Variants in GRM8 observed in about 807,000 individuals in gnomAD.
GRM8 encodes glutamate metabotropic receptor 8.
A neutral mutation model predicts 87.2 loss-of-function variants in GRM8; 47 were observed. That is an observed-to-expected ratio of 0.54 (90% CI 0.43 to 0.69). The LOEUF is 0.69. Among genes scored for constraint, GRM8 ranks in the 30% least tolerant of loss-of-function variants. The pLI is 0.00. For synonymous variants in GRM8, 396 were observed against 404.5 expected (o/e 0.98, Z 0.25); for missense variants, 1,019 against 1,139.2 (o/e 0.89, Z 1.52).
intron 9 of GRM8, among the ~76,000 whole-genome samples, chr7:126,514,183 G>A (rs535757457): frequency 6.6e-6 from 1 of 152,238 alleles, no homozygotes; most frequent in South Asian, 2.1e-4. Context: ...GTCCGCAGAT[G>A]CTGGAGTTGT....
rs73447009 is a variant in GRM8 at position 126,494,498 on chromosome 7, T to G, written c.2430+38454A>C. On this transcript the variant is annotated intron_variant, in intron 9 of 10. Coordinates refer to ENST00000339582, the MANE Select transcript of GRM8 (RefSeq NM_000845.3). ...GATGTTAATCATTTATATTTTTATC[T>G]CTTTAAATAAACAAAAACAGTAAAA... Among the ~76,000 whole-genome samples the G allele has an allele frequency of 5.7e-3, 868 of 152,128 alleles. 14 individuals are homozygous for G. Among genetic ancestry groups the G allele is most frequent in the African/African-American group, 0.02 (816 of 41,536 alleles).
intron 8 of GRM8, among the ~76,000 whole-genome samples, chr7:126,604,003 A>C (rs1798090815): frequency 6.6e-6 from 1 of 151,952 alleles, no homozygotes; most frequent in Non-Finnish European, 1.5e-5. Context: ...ATTAAAAAAA[A>C]ACAGTTGTTT....
At chr7:127,236,307 G>A (rs186258503) in intron 2 of GRM8, among the ~76,000 whole-genome samples, 3 of 152,282 alleles carry the variant, frequency 2.0e-5, no homozygotes, top group East Asian at 1.9e-4. Context: ...TTCTTTCTCC[G>A]CTTCTCCCTA....
intron 7 of GRM8, among the ~76,000 whole-genome samples, chr7:126,754,653 T>C (rs1816802020): frequency 6.6e-6 from 1 of 151,882 alleles, no homozygotes; most frequent in African/African-American, 2.4e-5. Flanking sequence ...ATTCTTTTTA[T>C]TTATTTCTTC....
chr7:126,623,140 A>G (rs569860095), intron 7 of GRM8, among the ~76,000 whole-genome samples: 4 of 132,714 alleles, frequency 3.0e-5, no homozygotes, highest in Non-Finnish European at 5.2e-5. Context: ...CTAAGTTAAT[A>G]ATGATGTATC....
intron 3 of GRM8, among the ~76,000 whole-genome samples, chr7:126,984,358 A>G (rs992317391): frequency 6.6e-6 from 1 of 152,192 alleles, no homozygotes; most frequent in African/African-American, 2.4e-5. Context: ...GATGTTGCCA[A>G]AGGAGATTAA....
rs866214910 is a variant in GRM8 at position 126,705,070 on chromosome 7, C to G, written c.1357+64795G>C. On this transcript the variant is annotated intron_variant, in intron 7 of 10. Coordinates refer to ENST00000339582, the MANE Select transcript of GRM8 (RefSeq NM_000845.3). ...TGTGATGTCTCCCCTGGACGCCCAGCTTTAAAATTTCTCTCTTTTGTACTC... is the reference window on the plus strand; with the variant it reads ...TGTGATGTCTCCCCTGGACGCCCAGGTTTAAAATTTCTCTCTTTTGTACTC... Among the ~76,000 whole-genome samples, 59 of 152,220 alleles carry G rather than the reference C, an allele frequency of 3.9e-4. 1 individual carries two copies. Among genetic ancestry groups the G allele is most frequent in the Middle Eastern group, 6.8e-3 (2 of 294 alleles).
intron 3 of GRM8, among the ~76,000 whole-genome samples, chr7:126,958,594 G>A (rs1008194176): frequency 3.9e-5 from 6 of 152,082 alleles, no homozygotes; most frequent in Non-Finnish European, 8.8e-5. Flanking sequence ...CGCCCGGCCC[G>A]CCCTTAGCAG....
chr7:127,124,942 A>G (rs1313268635), intron 2 of GRM8, among the ~76,000 whole-genome samples: 1 of 152,154 alleles, frequency 6.6e-6, no homozygotes, highest in Non-Finnish European at 1.5e-5. Flanking sequence ...ATCCATTCAC[A>G]AAATAGATAA....
At chr7:126,743,845 A>T (rs561292600) in intron 7 of GRM8, among the ~76,000 whole-genome samples, 173 of 152,208 alleles carry the variant, frequency 1.1e-3, no homozygotes, top group Non-Finnish European at 2.1e-3. Flanking sequence ...ACATTTTCAT[A>T]GCAATATTAA....
At chr7:127,027,110 G>A (rs568945913) in intron 3 of GRM8, among the ~76,000 whole-genome samples, 4 of 152,118 alleles carry the variant, frequency 2.6e-5, no homozygotes, top group Non-Finnish European at 5.9e-5. Context: ...CCCATTGCTT[G>A]TTTTCAACAG....
intron 7 of GRM8, among the ~76,000 whole-genome samples, chr7:126,613,422 C>G (rs1028817611): frequency 6.6e-6 from 1 of 152,028 alleles, no homozygotes; most frequent in Non-Finnish European, 1.5e-5. Context: ...CAAATAAGAA[C>G]AGCTCCAGTC....
At chr7:127,218,869 T>G (rs942693698) in intron 2 of GRM8, among the ~76,000 whole-genome samples, 4 of 152,236 alleles carry the variant, frequency 2.6e-5, no homozygotes, top group African/African-American at 4.8e-5. Context: ...CCTTGCTGCT[T>G]CTTTTTCTTT....
intron 6 of GRM8, among the ~76,000 whole-genome samples, chr7:126,882,747 G>A (rs1247171807): frequency 6.6e-6 from 1 of 151,392 alleles, no homozygotes; most frequent in Non-Finnish European, 1.5e-5. Flanking sequence ...CAATAGGAGA[G>A]CCTCCTGATG....
intron 8 of GRM8, among the ~76,000 whole-genome samples, chr7:126,562,289 A>G (rs1190425072): frequency 6.6e-6 from 1 of 152,194 alleles, no homozygotes; most frequent in East Asian, 1.9e-4. Flanking sequence ...ATTTACTTGC[A>G]TCAAAGGCAT....
intron 3 of GRM8, among the ~76,000 whole-genome samples, chr7:127,013,997 T>C (rs11563510): frequency 0.25 from 38,774 of 152,082 alleles, 5,868 homozygotes; most frequent in Non-Finnish European, 0.36. Context: ...CCAAATGAGA[T>C]TGTAGATGAG....
intron 7 of GRM8, among the ~76,000 whole-genome samples, chr7:126,703,767 G>A (rs959161567): frequency 6.6e-6 from 1 of 151,998 alleles, no homozygotes; most frequent in Admixed American, 6.6e-5. Flanking sequence ...TTGCTATGTT[G>A]CCCAGTCTGG....
intron 7 of GRM8, among the ~76,000 whole-genome samples, chr7:126,766,170 A>G (rs893611014): frequency 2.0e-5 from 3 of 152,128 alleles, no homozygotes; most frequent in African/African-American, 7.2e-5. Context: ...TTGCTTAAGT[A>G]AGCATACCAC....
rs57868820 is a variant in GRM8, at chr7:126,768,357, T to TAAAAAAAAAAAAA, written c.1357+1495_1357+1507dup. 9.7e-4 allele frequency among the ~76,000 whole-genome samples: 52 copies of TAAAAAAAAAAAAA among 53,536 alleles called. 4 individuals are homozygous for TAAAAAAAAAAAAA. The highest frequency in any genetic ancestry group is 3.5e-3 in the African/African-American group (42 of 12,016). The allele number at this position is 53,536 out of a possible 152,430, so 35.1% of individuals were successfully genotyped here. ...CAGCAGCAGCAACACTTTGATAATG[T>TAAAAAAAAAAAAA]AAAAAAAAAAAAAAAAAAAAAAAAG... is the stretch of plus-strand genomic sequence containing the variant. On this transcript the variant is annotated intron_variant, in intron 7 of 10. Transcript: ENST00000339582.
Sources: allele counts gnomAD v4.1 joint callset (sites outside exome capture counted in the v4.1 genomes callset), GRCh38; gene constraint gnomAD v4.1.1; transcripts MANE v1.5; gene names NCBI Gene and HGNC (gene_info 2026-07-23, HGNC 2026-07-21).